Variants in THSD4 observed in about 807,000 individuals in gnomAD.
THSD4 encodes the protein thrombospondin type-1 domain-containing protein 4.
In THSD4, 69 loss-of-function variants were observed where a neutral mutation model predicts 119.0. The ratio of observed to expected loss-of-function variants is 0.58; its 90% CI spans 0.48 to 0.71. THSD4 has a LOEUF of 0.71. Among genes scored for constraint, THSD4 ranks in the 30% least tolerant of loss-of-function variants. THSD4 has a pLI of 0.00. For missense variants in THSD4, 1,393 were observed against 1,391.1 expected (o/e 1.00, Z -0.02); for synonymous variants, 524 against 540.4 (o/e 0.97, Z 0.42).
At chr15:71,626,309 C>T (rs1017783392) in intron 7 of THSD4, among the ~76,000 whole-genome samples, 3 of 152,154 alleles carry the variant, frequency 2.0e-5, no homozygotes, top group African/African-American at 7.2e-5. Flanking sequence ...AGCACTAATA[C>T]TTCTTATTTC....
intron 5 of THSD4, among the ~76,000 whole-genome samples, chr15:71,250,736 C>T (rs1469094399): frequency 1.3e-5 from 2 of 152,040 alleles, no homozygotes; most frequent in African/African-American, 4.8e-5. Context: ...AATAGGCAGT[C>T]ATAAGTAAGC....
chr15:71,537,996 C>G (rs1358726255), intron 7 of THSD4, among the ~76,000 whole-genome samples: 2 of 152,032 alleles, frequency 1.3e-5, no homozygotes, highest in East Asian at 3.9e-4. Context: ...CTGACCTCAA[C>G]TGATCCACCT....
At chr15:71,522,659 G>A (rs1270285572) in intron 7 of THSD4, among the ~76,000 whole-genome samples, 1 of 152,182 alleles carries the variant, frequency 6.6e-6, no homozygotes, top group African/African-American at 2.4e-5. Flanking sequence ...ATAAATGTGG[G>A]GTGAAGAAAT....
At position 71,394,540 on chromosome 15, in the gene THSD4, G is replaced by T. The variant is rs144302101; in HGVS notation, c.1016-17147G>T. 4.9e-3 allele frequency among the ~76,000 whole-genome samples: 739 copies of T among 152,214 alleles called. 10 individuals are homozygous for T. The highest frequency in any genetic ancestry group is 0.016 in the African/African-American group (667 of 41,546). ...CCCGCCTCAGCCTCCCAAAGTGCTG[G>T]GATTACAGGCGTGAGCCACAGTGCC... is the stretch of plus-strand genomic sequence containing the variant. On this transcript the variant is annotated intron_variant, in intron 6 of 17. Coordinates refer to ENST00000261862, the MANE Select transcript of THSD4 (RefSeq NM_024817.3).
intron 6 of THSD4, among the ~76,000 whole-genome samples, chr15:71,274,721 T>C (rs914411706): frequency 2.0e-5 from 3 of 152,102 alleles, no homozygotes; most frequent in Non-Finnish European, 4.4e-5. Context: ...GTCTTTCCAC[T>C]GGAAAATGTA....
intron 6 of THSD4, among the ~76,000 whole-genome samples, chr15:71,317,944 A>G (rs1360115950): frequency 2.0e-5 from 3 of 152,196 alleles, no homozygotes; most frequent in Non-Finnish European, 4.4e-5. Context: ...GGGGCTGAGT[A>G]AGTATCAGTG....
intron 4 of THSD4, among the ~76,000 whole-genome samples, chr15:71,219,921 G>A (rs138678894): frequency 6.6e-6 from 1 of 152,186 alleles, no homozygotes; most frequent in African/African-American, 2.4e-5. Context: ...CTTCCAGCTG[G>A]TGTGTTCAGA....
chr15:71,294,667 T>C (rs1242132547), intron 6 of THSD4, among the ~76,000 whole-genome samples: 2 of 152,144 alleles, frequency 1.3e-5, no homozygotes, highest in Non-Finnish European at 1.5e-5. Context: ...TAGTCCATAA[T>C]GTAAATGCCT....
At chr15:71,203,366 C>T (rs911988643) in intron 3 of THSD4, among the ~76,000 whole-genome samples, 1 of 152,062 alleles carries the variant, frequency 6.6e-6, no homozygotes, top group South Asian at 2.1e-4. Context: ...AAGAAAATAG[C>T]TTTGGCGGCC....
At chr15:71,722,203 GT>G (rs1369696937) in intron 8 of THSD4, among the ~76,000 whole-genome samples, 1 of 152,174 alleles carries the variant, frequency 6.6e-6, no homozygotes, top group African/African-American at 2.4e-5. Context: ...AGCCGCAGCT[GT>G]TTTTGATATG....
intron 8 of THSD4, among the ~76,000 whole-genome samples, chr15:71,717,832 A>T (rs2052638996): frequency 1.3e-5 from 2 of 152,162 alleles, no homozygotes; most frequent in African/African-American, 2.4e-5. Flanking sequence ...GTACTAAATG[A>T]GACAGGGCTC....
Position 71,333,472 on chromosome 15 carries a change from T to C in THSD4, c.1015+76757T>C, listed in dbSNP as rs560162217. On this transcript the variant is annotated intron_variant, in intron 6 of 17. Transcript: ENST00000261862. ...CTCTTAGACTTTAGCTTTCTCACCC[T>C]CAACATACTCTAATTTGGCTGAACC... is the stretch of plus-strand genomic sequence containing the variant. 9.2e-5 allele frequency among the ~76,000 whole-genome samples: 14 copies of C among 152,308 alleles called. No individual in the cohort carries two copies. The East Asian group carries it at 2.3e-3, about 25-fold the overall frequency.
chr15:71,649,701 T>C (rs138952053), intron 7 of THSD4, among the ~76,000 whole-genome samples: 1 of 152,350 alleles, frequency 6.6e-6, no homozygotes, highest in African/African-American at 2.4e-5. Context: ...AGAATGGTGT[T>C]ACATAGGTTG....
intron 8 of THSD4, among the ~76,000 whole-genome samples, chr15:71,670,237 C>A (rs2051496152): frequency 6.6e-6 from 1 of 151,648 alleles, no homozygotes. Context: ...CCCTATCCCC[C>A]ACCCCATGAC....
At chr15:71,599,005 T>G (rs1418856204) in intron 7 of THSD4, among the ~76,000 whole-genome samples, 1 of 152,168 alleles carries the variant, frequency 6.6e-6, no homozygotes, top group Non-Finnish European at 1.5e-5. Context: ...ATGACAACTT[T>G]TTCAACTAAT....
At chr15:71,274,333 A>G (rs1439496625) in intron 6 of THSD4, among the ~76,000 whole-genome samples, 1 of 152,204 alleles carries the variant, frequency 6.6e-6, no homozygotes, top group African/African-American at 2.4e-5. Flanking sequence ...ACACGCAAGT[A>G]TCATTCATTC....
chr15:71,341,253 C>T, intron 6 of THSD4: 2 of 1,595,702 alleles, frequency 1.3e-6, no homozygotes, highest in Non-Finnish European at 1.7e-6. Context: ...ACAATCTGTT[C>T]CTTTTCCGTA....
At chr15:71,306,918 C>A (rs2140344502) in intron 6 of THSD4, among the ~76,000 whole-genome samples, 1 of 152,296 alleles carries the variant, frequency 6.6e-6, no homozygotes, top group South Asian at 2.1e-4. Context: ...GAAGTACAAG[C>A]ATAAATTTCT....
intron 2 of THSD4, among the ~76,000 whole-genome samples, chr15:71,150,669 C>G (rs1167036066): frequency 6.6e-6 from 1 of 152,174 alleles, no homozygotes; most frequent in African/African-American, 2.4e-5. Context: ...ACAAGAGGCA[C>G]CAGCAAACAT....
Sources: allele counts gnomAD v4.1 joint callset (sites outside exome capture counted in the v4.1 genomes callset), GRCh38; gene constraint gnomAD v4.1.1; transcripts MANE v1.5; gene names NCBI Gene and HGNC (gene_info 2026-07-23, HGNC 2026-07-21).